ZNF804B: variants seen among roughly 807,000 people sequenced by gnomAD.
ZNF804B encodes the protein zinc finger protein 804B, also known as zinc finger 804B.
ZNF804B carries 80 observed loss-of-function variants against 101.4 expected under a neutral mutation model. That is an observed-to-expected ratio of 0.79 (90% CI 0.66 to 0.95). ZNF804B has a LOEUF of 0.95. ZNF804B is among the 40% of genes least tolerant of loss of function. The pLI, the probability that ZNF804B is intolerant of heterozygous loss-of-function variation, is 0.00. For synonymous variants in ZNF804B, 622 were observed against 558.8 expected, an observed-to-expected ratio of 1.11 and a Z score of -1.59; for missense variants, 1,673 against 1,561.9, an observed-to-expected ratio of 1.07 and a Z score of -1.20.
chr7:89,246,532 T>C (rs1414370514), intron 2 of ZNF804B, among the ~76,000 whole-genome samples: 1 of 152,002 alleles, frequency 6.6e-6, no homozygotes, highest in Admixed American at 6.5e-5. Flanking sequence ...CTGCCCCACA[T>C]TTCCTGTGCA....
At chr7:89,307,702 C>T (rs1324698401) in intron 2 of ZNF804B, among the ~76,000 whole-genome samples, 1 of 151,988 alleles carries the variant, frequency 6.6e-6, no homozygotes, top group Non-Finnish European at 1.5e-5. Flanking sequence ...TTTCCAGTCA[C>T]GTTATTTGCC....
intron 1 of ZNF804B, among the ~76,000 whole-genome samples, chr7:89,169,725 T>A (rs1466874476): frequency 6.6e-6 from 1 of 152,200 alleles, no homozygotes; most frequent in African/African-American, 2.4e-5. Flanking sequence ...AAAAATATTT[T>A]ATCAGTAAAA....
intron 2 of ZNF804B, among the ~76,000 whole-genome samples, chr7:89,319,725 A>T (rs1790790345): frequency 6.6e-6 from 1 of 152,194 alleles, no homozygotes; most frequent in Non-Finnish European, 1.5e-5. Flanking sequence ...GGCCAGCTGA[A>T]GTATTAGTGT....
At chr7:89,246,897 G>T (rs1789457193) in intron 2 of ZNF804B, among the ~76,000 whole-genome samples, 1 of 151,980 alleles carries the variant, frequency 6.6e-6, no homozygotes, top group African/African-American at 2.4e-5. Context: ...TGTATGCATG[G>T]GTGCCATCTC....
chr7:89,215,883 C>CAAAATAAATAAATAAATAAATAAA (rs1554379473), intron 1 of ZNF804B, among the ~76,000 whole-genome samples: 2 of 143,100 alleles, frequency 1.4e-5, no homozygotes, highest in Non-Finnish European at 3.0e-5. Flanking sequence ...GACTCCGTCT[C>CAAAATAAATAAATAAATAAATAAA]TAAATAAATA....
intron 1 of ZNF804B, among the ~76,000 whole-genome samples, chr7:88,986,308 T>C (rs1793759209): frequency 6.6e-6 from 1 of 152,096 alleles, no homozygotes; most frequent in Admixed American, 6.6e-5. Flanking sequence ...ATTTGTTACT[T>C]TTAACAATTA....
Position 89,314,707 on chromosome 7 carries a change from C to T in ZNF804B, c.250-12637C>T, listed in dbSNP as rs1196876318. Among the ~76,000 whole-genome samples the T allele has an allele frequency of 3.3e-5, 5 of 152,288 alleles. No homozygotes were observed. In the East Asian group the frequency reaches 5.8e-4, roughly 18 times the overall value. On this transcript the variant is annotated intron_variant, in intron 2 of 3. Transcript: ENST00000333190. ...ACTAAATCTAGAGAAAACTGAGTAA[C>T]TTTGCAAGAGGCTCAAGGTTAGTAA...
At chr7:89,121,380 C>A (rs1460105407) in intron 1 of ZNF804B, among the ~76,000 whole-genome samples, 2 of 151,928 alleles carry the variant, frequency 1.3e-5, no homozygotes, top group Non-Finnish European at 2.9e-5. Flanking sequence ...TTTGACAGCT[C>A]ATTTTTAACA....
chr7:88,808,858 C>A (rs1376887272), intron 1 of ZNF804B, among the ~76,000 whole-genome samples: 1 of 152,038 alleles, frequency 6.6e-6, no homozygotes, highest in Non-Finnish European at 1.5e-5. Context: ...TTATGAAATC[C>A]CTTTTATAGA....
chr7:88,969,106 AT>A (rs1392788569), intron 1 of ZNF804B, among the ~76,000 whole-genome samples: 1 of 151,580 alleles, frequency 6.6e-6, no homozygotes, highest in Non-Finnish European at 1.5e-5. Context: ...TACAGATCAA[AT>A]AACCTATAAC....
intron 1 of ZNF804B, among the ~76,000 whole-genome samples, chr7:88,994,517 A>G (rs542738247): frequency 7.4e-4 from 113 of 152,186 alleles, no homozygotes; most frequent in Non-Finnish European, 1.3e-3. Context: ...AGTGATTTTT[A>G]ACTTTTTCAC....
chr7:88,827,348 A>G (rs915154045), intron 1 of ZNF804B, among the ~76,000 whole-genome samples: 1 of 151,782 alleles, frequency 6.6e-6, no homozygotes, highest in Non-Finnish European at 1.5e-5. Context: ...GATCTATGCT[A>G]TCTTGGAAAA....
intron 1 of ZNF804B, among the ~76,000 whole-genome samples, chr7:88,996,961 G>T (rs572831869): frequency 6.6e-6 from 1 of 151,986 alleles, no homozygotes; most frequent in Non-Finnish European, 1.5e-5. Flanking sequence ...AGTTATGTGC[G>T]CATGGTGTGT....
chr7:88,811,378 C>G (rs572026180), intron 1 of ZNF804B, among the ~76,000 whole-genome samples: 1 of 152,180 alleles, frequency 6.6e-6, no homozygotes, highest in East Asian at 1.9e-4. Flanking sequence ...GAGATACGAA[C>G]ACTTTTACAC....
At chr7:88,787,814 A>G (rs570130060) in intron 1 of ZNF804B, among the ~76,000 whole-genome samples, 1 of 152,296 alleles carries the variant, frequency 6.6e-6, no homozygotes, top group African/African-American at 2.4e-5. Flanking sequence ...ACCTTCTGCT[A>G]TACTGTCTTT....
chr7:89,241,497 G>C (rs1789371394), intron 2 of ZNF804B, among the ~76,000 whole-genome samples: 2 of 152,070 alleles, frequency 1.3e-5, no homozygotes, highest in African/African-American at 4.8e-5. Context: ...TTATGAAGTA[G>C]TGACAACACT....
At chr7:89,266,069 C>T (rs1466790119) in intron 2 of ZNF804B, among the ~76,000 whole-genome samples, 1 of 152,108 alleles carries the variant, frequency 6.6e-6, no homozygotes, top group Non-Finnish European at 1.5e-5. Context: ...CATAATTTAT[C>T]AGAGAATTTG....
At chr7:89,065,010 A>G (rs1789438062) in intron 1 of ZNF804B, among the ~76,000 whole-genome samples, 1 of 152,148 alleles carries the variant, frequency 6.6e-6, no homozygotes, top group Non-Finnish European at 1.5e-5. Flanking sequence ...CACAAAAGCC[A>G]CTAAAATATC....
At chr7:89,162,839 G>A (rs1019379977) in intron 1 of ZNF804B, among the ~76,000 whole-genome samples, 1 of 92,740 alleles carries the variant, frequency 1.1e-5, no homozygotes, top group Non-Finnish European at 2.1e-5. Flanking sequence ...AGAGTGTGAT[G>A]TTCCCCTTCC....
Sources: gnomAD v4.1 joint callset for allele counts (sites outside exome capture counted in the v4.1 genomes callset) on GRCh38, gnomAD v4.1.1 for gene constraint, MANE v1.5 for transcripts, NCBI Gene and HGNC (gene_info 2026-07-23, HGNC 2026-07-21) for gene names.